The following CELF2 variants were observed in gnomAD, a reference collection of about 807,000 sequenced individuals.
CELF2 encodes CUGBP Elav-like family member 2, also known as CUG triplet repeat RNA-binding protein 2.
A neutral mutation model predicts 62.6 loss-of-function variants in CELF2; 8 were observed. That is an observed-to-expected ratio of 0.13 (90% CI 0.07 to 0.23). CELF2 has a LOEUF of 0.23. Among genes scored for constraint, CELF2 ranks in the 10% least tolerant of loss-of-function variants. The probability of loss-of-function intolerance (pLI) is 1.00; values close to 1 mark genes in which losing one functional copy is unlikely to be tolerated. For missense variants in CELF2, 333 were observed against 671.0 expected, an observed-to-expected ratio of 0.50 and a Z score of 5.56; for synonymous variants, 258 against 250.0, an observed-to-expected ratio of 1.03 and a Z score of -0.30.
chr10:10,719,673 T>C, the CELF2 span, among the ~76,000 whole-genome samples: 2 of 152,228 alleles, frequency 1.3e-5, no homozygotes, highest in African/African-American at 4.8e-5. Context: ...ACTCCATTCC[T>C]GACCCTTCCA....
intron 2 of CELF2, among the ~76,000 whole-genome samples, chr10:10,998,465 T>C (rs1462403291): frequency 6.6e-6 from 1 of 152,230 alleles, no homozygotes; most frequent in Non-Finnish European, 1.5e-5. Context: ...ACCACTGCAA[T>C]GTAAAATAAA....
rs1038311648 is a variant in CELF2 at position 11,328,237 on chromosome 10, C to T, written c.1439-689C>T. On this transcript the variant is annotated intron_variant, in intron 12 of 12. Transcript: ENST00000633077. The surrounding 1 kb of genome is among the most constrained non-coding windows in gnomAD (Gnocchi z 6.4). Reference sequence around the variant, plus strand: ...TTCCTTTCTGCTGAATTTACTGGAGCTTTGGAAATGGAAAGTGAGATAAGG... The same window carrying T: ...TTCCTTTCTGCTGAATTTACTGGAGTTTTGGAAATGGAAAGTGAGATAAGG... Among the ~76,000 whole-genome samples, 2 of 152,172 alleles carry T rather than the reference C, an allele frequency of 1.3e-5. No individual in the cohort carries two copies. The highest frequency in any genetic ancestry group is 6.5e-5 in the Admixed American group (1 of 15,280).
chr10:10,802,649 G>A (rs2131546046), intron 1 of CELF2, among the ~76,000 whole-genome samples: 1 of 152,292 alleles, frequency 6.6e-6, no homozygotes, highest in Non-Finnish European at 1.5e-5. Context: ...CACCTCTGGG[G>A]AAGGATTAAA....
At chr10:11,013,153 G>A (rs375056695), upstream of CELF2, among the ~76,000 whole-genome samples, 13 of 152,274 alleles carry the variant, frequency 8.5e-5, no homozygotes, top group South Asian at 2.5e-3. The surrounding 1 kb of genome is among the most constrained non-coding windows in gnomAD (Gnocchi z 4.1). Flanking sequence ...AGCAACCCAC[G>A]GCTCCTTTCT....
chr10:11,295,685 C>T (rs2093083471), intron 9 of CELF2, among the ~76,000 whole-genome samples: 1 of 152,194 alleles, frequency 6.6e-6, no homozygotes, highest in Non-Finnish European at 1.5e-5. Flanking sequence ...TCCACAGAAG[C>T]ATGACACACA....
intron 1 of CELF2, among the ~76,000 whole-genome samples, chr10:10,827,981 C>G (rs2057530465): frequency 7.3e-6 from 1 of 136,098 alleles, no homozygotes; most frequent in South Asian, 2.4e-4. Context: ...CACATCATAC[C>G]CGTCAGGAAG....
intron 1 of CELF2, among the ~76,000 whole-genome samples, chr10:11,160,226 T>A (rs1239338539): frequency 6.6e-6 from 1 of 152,222 alleles, no homozygotes; most frequent in Non-Finnish European, 1.5e-5. Context: ...CTTGCTTTGT[T>A]TTACAAGTGA....
At chr10:10,908,767 A>G (rs4750004) in intron 1 of CELF2, among the ~76,000 whole-genome samples, 133,643 of 152,234 alleles carry the variant, frequency 0.88, 58,844 homozygotes, top group African/African-American at 0.94. Context: ...AGACAGCTTT[A>G]ACACAATTGC....
rs539249045 is a variant in CELF2 at position 11,102,251 on chromosome 10, A to G, written c.75-63235A>G. The G allele has an allele frequency of 2.6e-5, 4 of 152,350 alleles. No homozygotes were observed. The South Asian group carries it at 6.2e-4, about 24-fold the overall frequency. 9.4% of individuals were successfully genotyped at this position (152,350 alleles called of 1,614,324 possible). A position where few individuals can be genotyped will look rare whatever the true frequency, so the allele number is the denominator to read the frequency against. The stretch of plus-strand genomic sequence containing the variant: ...AAGCCTTCCTTCCAGTCCATGGCAA[A>G]AATAGGACTTCAGTGGATTTCAAGA... On this transcript the variant is annotated intron_variant, in intron 1 of 12. Transcript: ENST00000633077.
At chr10:10,861,829 A>G (rs928319056) in intron 1 of CELF2, among the ~76,000 whole-genome samples, 1 of 152,250 alleles carries the variant, frequency 6.6e-6, no homozygotes, top group Non-Finnish European at 1.5e-5. Context: ...AAGACAGAAG[A>G]TAATTAATAT....
chr10:11,088,385 T>C (rs1042682917), intron 1 of CELF2, among the ~76,000 whole-genome samples: 1 of 152,208 alleles, frequency 6.6e-6, no homozygotes, highest in Non-Finnish European at 1.5e-5. Flanking sequence ...GAGAATGTGA[T>C]GTTAGGCTGA....
chr10:11,139,491 T>G (rs994792157), intron 1 of CELF2, among the ~76,000 whole-genome samples: 3 of 152,244 alleles, frequency 2.0e-5, no homozygotes, highest in Non-Finnish European at 4.4e-5. Context: ...ATTTATGGTA[T>G]TATGTGCTAA....
In CELF2 at chr10:11,138,977, A is replaced by G. The variant is rs142353605; in HGVS notation, c.75-26509A>G. On this transcript the variant is annotated intron_variant, in intron 1 of 12. Transcript: ENST00000633077. ...TTAATATGTAATTACTGTTTTTTAC[A>G]GTACAGTTATGGCAATTATATTTAT... 2.0e-4 allele frequency among the ~76,000 whole-genome samples: 30 copies of G among 152,376 alleles called. 2 individuals are homozygous for G. In the East Asian group the frequency reaches 5.4e-3, roughly 27 times the overall value.
At chr10:11,079,916 A>G (rs1196141002) in intron 1 of CELF2, among the ~76,000 whole-genome samples, 1 of 152,130 alleles carries the variant, frequency 6.6e-6, no homozygotes, top group Non-Finnish European at 1.5e-5. Flanking sequence ...GTACTGCAAG[A>G]TGACTTTGGG....
chr10:10,904,021 T>C (rs1337260291), intron 1 of CELF2, among the ~76,000 whole-genome samples: 2 of 152,186 alleles, frequency 1.3e-5, no homozygotes, highest in Non-Finnish European at 2.9e-5. Flanking sequence ...CCTGCCATCT[T>C]CTCTCTACAG....
chr10:11,129,775 T>C (rs1419458677), intron 1 of CELF2, among the ~76,000 whole-genome samples: 1 of 152,240 alleles, frequency 6.6e-6, no homozygotes, highest in African/African-American at 2.4e-5. Context: ...TCTCTTCTTA[T>C]TAGTCTTGCT....
intron 2 of CELF2, among the ~76,000 whole-genome samples, chr10:11,182,668 C>T (rs375302307): frequency 6.6e-6 from 1 of 152,204 alleles, no homozygotes; most frequent in African/African-American, 2.4e-5. Context: ...TCTCTCACCT[C>T]TCCCTACCAC....
chr10:10,561,832 C>T, the CELF2 span, among the ~76,000 whole-genome samples: 6 of 152,264 alleles, frequency 3.9e-5, no homozygotes, highest in African/African-American at 1.2e-4. Context: ...GTGGCAGCAG[C>T]GTCAGTAGAG....
chr10:10,787,578 A>G, the CELF2 span, among the ~76,000 whole-genome samples: 1 of 152,202 alleles, frequency 6.6e-6, no homozygotes, highest in Non-Finnish European at 1.5e-5. Context: ...AAGACACCCG[A>G]AGGCAGAGGT....
Sources: gnomAD v4.1 joint callset for allele counts (sites outside exome capture counted in the v4.1 genomes callset) on GRCh38, gnomAD v4.1.1 for gene constraint, Gnocchi (gnomAD v3.1) non-coding constraint, MANE v1.5 for transcripts, NCBI Gene and HGNC (gene_info 2026-07-23, HGNC 2026-07-21) for gene names.